Variants in TNNI3K observed in about 807,000 individuals in gnomAD.
TNNI3K encodes serine/threonine-protein kinase TNNI3K.
In TNNI3K, 140 loss-of-function variants were observed where a neutral mutation model predicts 114.5. The observed-to-expected ratio is 1.22, with a 90% CI of 1.07 to 1.41. The LOEUF (loss-of-function observed/expected upper bound fraction) is 1.41. Ranked by LOEUF, TNNI3K falls within the 40% of genes most tolerant of loss-of-function variation. TNNI3K has a pLI of 0.00. For synonymous variants in TNNI3K, 347 were observed against 347.5 expected (o/e 1.00, Z 0.02); for missense variants, 1,125 against 1,007.6 (o/e 1.12, Z -1.58).
chr1:74,409,426 T>G (rs1399982812), intron 17 of TNNI3K, among the ~76,000 whole-genome samples: 1 of 152,138 alleles, frequency 6.6e-6, no homozygotes, highest in Non-Finnish European at 1.5e-5. Flanking sequence ...TTGCTTAAGA[T>G]TCCATGCATA....
chr1:74,261,524 C>G lies in TNNI3K; in HGVS notation c.334-10074C>G, dbSNP rs545358478. The stretch of plus-strand genomic sequence containing the variant: ...ACAAGATTCCTGTCACATTTATATC[C>G]CTCTATAGGGCATACTTCTTTAGGT... On this transcript the variant is annotated intron_variant, in intron 4 of 24. Transcript: ENST00000326637. 6.3e-4 allele frequency among the ~76,000 whole-genome samples: 96 copies of G among 151,998 alleles called. 1 individual carries two copies. The highest frequency in any genetic ancestry group is 3.4e-3 in the Middle Eastern group (1 of 292).
chr1:74,385,112 T>C (rs12075048), intron 17 of TNNI3K, among the ~76,000 whole-genome samples: 6,747 of 152,240 alleles, frequency 0.044, 470 homozygotes, highest in African/African-American at 0.15. Flanking sequence ...ATTCCACTTA[T>C]GCCCTGTGAA....
intron 5 of TNNI3K, among the ~76,000 whole-genome samples, chr1:74,285,021 C>G (rs1411946862): frequency 6.6e-6 from 1 of 152,214 alleles, no homozygotes; most frequent in Non-Finnish European, 1.5e-5. Flanking sequence ...AATGGATACA[C>G]ATTTTTTGTT....
At chr1:74,379,151 T>C (rs916821422) in intron 17 of TNNI3K, among the ~76,000 whole-genome samples, 16 of 152,148 alleles carry the variant, frequency 1.1e-4, no homozygotes, top group Non-Finnish European at 2.1e-4. Flanking sequence ...GCAACATATG[T>C]CTATGAATCA....
intron 5 of TNNI3K, among the ~76,000 whole-genome samples, chr1:74,278,892 A>G (rs970871580): frequency 3.9e-5 from 6 of 152,192 alleles, no homozygotes; most frequent in Non-Finnish European, 8.8e-5. Flanking sequence ...TATTTTGTGT[A>G]AAGTTTTCAA....
chr1:74,533,954 T>A (rs1646626684), intron 23 of TNNI3K, among the ~76,000 whole-genome samples: 1 of 152,330 alleles, frequency 6.6e-6, no homozygotes, highest in South Asian at 2.1e-4. Context: ...GTTCAGTTTC[T>A]GCCTCTGGCT....
At chr1:74,307,572 C>A (rs1259820088) in intron 5 of TNNI3K, among the ~76,000 whole-genome samples, 7 of 152,152 alleles carry the variant, frequency 4.6e-5, no homozygotes, top group Non-Finnish European at 1.0e-4. Flanking sequence ...GGGTTCAAAT[C>A]AACAATAAGT....
At chr1:74,325,719 G>T (rs1413657570) in intron 5 of TNNI3K, among the ~76,000 whole-genome samples, 1 of 152,074 alleles carries the variant, frequency 6.6e-6, no homozygotes, top group Non-Finnish European at 1.5e-5. Context: ...AGTTGGAGAT[G>T]ACTCTTTAAA....
At chr1:74,250,402 A>G (rs1456798824) in intron 3 of TNNI3K, among the ~76,000 whole-genome samples, 2 of 152,194 alleles carry the variant, frequency 1.3e-5, no homozygotes, top group African/African-American at 4.8e-5. Context: ...TTATGTGTTT[A>G]TGTTTCAAAA....
At chr1:74,500,873 C>T (rs1011564637) in intron 23 of TNNI3K, among the ~76,000 whole-genome samples, 2 of 151,676 alleles carry the variant, frequency 1.3e-5, no homozygotes, top group Non-Finnish European at 2.9e-5. Context: ...TTTAATCTGC[C>T]TTTTAAAACT....
chr1:74,464,926 T>C (rs975725010), intron 21 of TNNI3K: 52 of 1,267,900 alleles, frequency 4.1e-5, no homozygotes, highest in Middle Eastern at 2.9e-4. Context: ...AATACCAGTA[T>C]TGCCTATCAG....
At chr1:74,387,415 T>C (rs1006509072) in intron 17 of TNNI3K, among the ~76,000 whole-genome samples, 1 of 152,206 alleles carries the variant, frequency 6.6e-6, no homozygotes, top group African/African-American at 2.4e-5. Context: ...TCAGCAAGAA[T>C]ACACAACTTT....
chr1:74,284,468 A>G (rs920031499), intron 5 of TNNI3K, among the ~76,000 whole-genome samples: 1 of 152,208 alleles, frequency 6.6e-6, no homozygotes, highest in Non-Finnish European at 1.5e-5. Context: ...CATTAGGCCA[A>G]TATATTAGGT....
chr1:74,340,420 T>C (rs915376718), intron 7 of TNNI3K, among the ~76,000 whole-genome samples: 6 of 152,172 alleles, frequency 3.9e-5, no homozygotes, highest in African/African-American at 9.7e-5. Context: ...TTCTTTTTTG[T>C]CTTTGCAAAT....
intron 7 of TNNI3K, 124 bp downstream of exon 7, chr1:74,336,273 C>A (rs904208585): frequency 8.1e-7 from 1 of 1,236,496 alleles, no homozygotes; most frequent in Admixed American, 3.7e-5. Flanking sequence ...CTTATTTGCT[C>A]CACAAGTCAT....
intron 4 of TNNI3K, among the ~76,000 whole-genome samples, chr1:74,270,203 G>A (rs1299580752): frequency 6.6e-6 from 1 of 151,652 alleles, no homozygotes; most frequent in Non-Finnish European, 1.5e-5. Context: ...ATTCAATGTA[G>A]AATAAGTATG....
At chr1:74,475,283 A>G (rs899360878) in intron 21 of TNNI3K, 1 of 630,890 alleles carries the variant, frequency 1.6e-6, no homozygotes, top group African/African-American at 1.9e-5. Context: ...TTCTAAAACA[A>G]GACAAACTCA....
At chr1:74,438,466 AT>A (rs1160299579) in intron 19 of TNNI3K, among the ~76,000 whole-genome samples, 4 of 152,104 alleles carry the variant, frequency 2.6e-5, no homozygotes, top group Non-Finnish European at 4.4e-5. Context: ...TTCAATGGAC[AT>A]TTAAAAGTGT....
intron 19 of TNNI3K, among the ~76,000 whole-genome samples, chr1:74,437,259 C>G (rs948398967): frequency 6.6e-6 from 1 of 152,074 alleles, no homozygotes; most frequent in Non-Finnish European, 1.5e-5. Flanking sequence ...TTCAGATTCT[C>G]GTCACTTCTT....
Sources: allele counts gnomAD v4.1 joint callset (sites outside exome capture counted in the v4.1 genomes callset), GRCh38; gene constraint gnomAD v4.1.1; transcripts MANE v1.5; gene names NCBI Gene and HGNC (gene_info 2026-07-23, HGNC 2026-07-21).